The following PCDH11X variants were observed in gnomAD, a reference collection of about 807,000 sequenced individuals.
The protein encoded by PCDH11X is protocadherin-11 X-linked.
Under a neutral mutation model 53.3 loss-of-function variants are expected in PCDH11X, and 18 were observed. The observed-to-expected ratio is 0.34, with a 90% CI of 0.23 to 0.50. PCDH11X has a LOEUF of 0.50. PCDH11X is among the 20% of genes least tolerant of loss of function. The probability of loss-of-function intolerance (pLI) is 0.98; values close to 1 mark genes in which losing one functional copy is unlikely to be tolerated. For missense variants in PCDH11X, 570 were observed against 1,032.4 expected (o/e 0.55, Z 6.14); for synonymous variants, 279 against 393.3 (o/e 0.71, Z 3.44).
chrX:91,944,971 T>C (rs1336141602), intron 6 of PCDH11X, among the ~76,000 whole-genome samples: 1 of 96,857 alleles, frequency 1.0e-5, no homozygotes, highest in Non-Finnish European at 2.1e-5. Context: ...CCCTCTTATC[T>C]GTAAGTCTTT....
intron 6 of PCDH11X, among the ~76,000 whole-genome samples, chrX:92,005,994 A>C (rs1338731550): frequency 8.9e-6 from 1 of 112,068 alleles, no homozygotes; most frequent in Non-Finnish European, 1.9e-5. Flanking sequence ...GCTCCAGTGT[A>C]TGACATGTGT....
intron 8 of PCDH11X, among the ~76,000 whole-genome samples, chrX:92,307,917 A>G (rs1199354805): frequency 9.2e-6 from 1 of 108,391 alleles, no homozygotes; most frequent in Non-Finnish European, 1.9e-5. Flanking sequence ...AAATATCCTC[A>G]AACAGATTAA....
intron 10 of PCDH11X, among the ~76,000 whole-genome samples, chrX:92,489,808 CAT>C (rs34430167): frequency 1.2e-4 from 12 of 103,499 alleles, no homozygotes; most frequent in East Asian, 3.0e-4. Flanking sequence ...TATACTTACA[CAT>C]ATATATATAT....
intron 6 of PCDH11X, among the ~76,000 whole-genome samples, chrX:91,989,700 A>G (rs950245369): frequency 9.0e-5 from 10 of 111,148 alleles, no homozygotes; most frequent in African/African-American, 3.3e-4. Context: ...TATCTAATCA[A>G]TTTATGAAAT....
At chrX:92,557,493 C>A in intron 10 of PCDH11X, among the ~76,000 whole-genome samples, 1 of 111,409 alleles carries the variant, frequency 9.0e-6, no homozygotes, top group Middle Eastern at 4.6e-3. Flanking sequence ...TATTCCAATA[C>A]CCAAGAAATT....
chrX:92,599,095 G>A (rs1344048779), intron 10 of PCDH11X, among the ~76,000 whole-genome samples: 5 of 111,711 alleles, frequency 4.5e-5, no homozygotes, highest in African/African-American at 1.6e-4. Flanking sequence ...CCAAAAAGTA[G>A]TTAGAATAAA....
intron 7 of PCDH11X, among the ~76,000 whole-genome samples, chrX:92,212,625 C>A (rs73245227): frequency 1.8e-5 from 2 of 111,584 alleles, no homozygotes; most frequent in African/African-American, 6.5e-5. Flanking sequence ...GCTTGGATTA[C>A]AGGCGTGAGC....
At position 92,479,496 on chromosome X, in the gene PCDH11X, C is replaced by G. The variant is rs190763882; in HGVS notation, c.3367+11174C>G. ...AGTATGTTTTTGTAGTGGCTGGTAA[C>G]TGCCTTTCCTTTCCATATTTAGTGC... On this transcript the variant is annotated intron_variant, in intron 10 of 10. Coordinates refer to ENST00000682573, the MANE Select transcript of PCDH11X (RefSeq NM_032968.5). Among the ~76,000 whole-genome samples, 427 of 104,836 alleles carry G rather than the reference C, an allele frequency of 4.1e-3. 5 individuals are homozygous for G. The South Asian group carries it at 0.05, about 12-fold the overall frequency. The allele number at this position is 104,836 out of a possible 115,157, so 91.0% of individuals were successfully genotyped here. A position where few individuals can be genotyped will look rare whatever the true frequency, so the allele number is the denominator to read the frequency against.
At chrX:92,136,272 A>T (rs1482043686) in intron 6 of PCDH11X, among the ~76,000 whole-genome samples, 2 of 110,818 alleles carry the variant, frequency 1.8e-5, no homozygotes, top group African/African-American at 6.6e-5. Flanking sequence ...GAGCAAAAAT[A>T]CAAAGGCACT....
chrX:92,067,224 A>C (rs2063623360), intron 6 of PCDH11X, among the ~76,000 whole-genome samples: 2 of 111,461 alleles, frequency 1.8e-5, no homozygotes, highest in Admixed American at 9.6e-5. Context: ...GAAAGTGGGC[A>C]TCCTTGTCAT....
intron 5 of PCDH11X, among the ~76,000 whole-genome samples, chrX:91,864,047 A>G (rs1938832977): frequency 9.0e-6 from 1 of 111,371 alleles, no homozygotes; most frequent in Non-Finnish European, 1.9e-5. Flanking sequence ...ACAGTGTTAT[A>G]ATATTCTATG....
chrX:92,382,647 T>A (rs1275334120), intron 8 of PCDH11X, among the ~76,000 whole-genome samples: 1 of 111,848 alleles, frequency 8.9e-6, no homozygotes, highest in African/African-American at 3.2e-5. Flanking sequence ...TCTGGAATTT[T>A]GATTCATTTG....
At chrX:91,992,324 A>G (rs1237184426) in intron 6 of PCDH11X, among the ~76,000 whole-genome samples, 1 of 107,883 alleles carries the variant, frequency 9.3e-6, no homozygotes, top group Non-Finnish European at 1.9e-5. Context: ...CTTCAGTCAT[A>G]AATGCTGACC....
intron 9 of PCDH11X, among the ~76,000 whole-genome samples, chrX:92,388,629 A>T (rs1202984546): frequency 9.0e-6 from 1 of 110,639 alleles, no homozygotes; most frequent in Non-Finnish European, 1.9e-5. Context: ...ACAAAATTTG[A>T]TAAGATATAT....
At chrX:92,586,977 C>CTTTTTTT (rs34675403) in intron 10 of PCDH11X, among the ~76,000 whole-genome samples, 4 of 72,937 alleles carry the variant, frequency 5.5e-5, no homozygotes, top group Admixed American at 1.8e-4. Context: ...ACACAGAAGC[C>CTTTTTTT]TTTTTTTTTT....
At chrX:92,260,434 T>A (rs1210214113) in intron 7 of PCDH11X, among the ~76,000 whole-genome samples, 1 of 111,262 alleles carries the variant, frequency 9.0e-6, no homozygotes, top group African/African-American at 3.3e-5. Context: ...CACCCGGAGA[T>A]GCTCTCTGCA....
intron 9 of PCDH11X, among the ~76,000 whole-genome samples, chrX:92,413,732 C>T (rs1398110047): frequency 9.2e-6 from 1 of 109,156 alleles, no homozygotes; most frequent in Non-Finnish European, 1.9e-5. Flanking sequence ...CTTAAAGGGT[C>T]GGAAGAATAA....
At chrX:92,329,827 T>A (rs1200563714) in intron 8 of PCDH11X, among the ~76,000 whole-genome samples, 1 of 111,279 alleles carries the variant, frequency 9.0e-6, no homozygotes, top group African/African-American at 3.3e-5. Flanking sequence ...TACCAGAAGC[T>A]GGGAAGGGTA....
chrX:92,202,280 G>C (rs2066403605), intron 7 of PCDH11X, among the ~76,000 whole-genome samples: 1 of 111,191 alleles, frequency 9.0e-6, no homozygotes, highest in East Asian at 2.8e-4. Flanking sequence ...TCCCTTACCA[G>C]TTGAGTGTTC....
Sources: allele counts gnomAD v4.1 joint callset (sites outside exome capture counted in the v4.1 genomes callset), GRCh38; gene constraint gnomAD v4.1.1; transcripts MANE v1.5; gene names NCBI Gene and HGNC (gene_info 2026-07-23, HGNC 2026-07-21).